The following PALD1 variants were observed in gnomAD, a reference collection of about 807,000 sequenced individuals.
PALD1 encodes the protein paladin.
Under a neutral mutation model 96.0 loss-of-function variants are expected in PALD1, and 57 were observed. That is an observed-to-expected ratio of 0.59 (90% confidence interval 0.48 to 0.74). The LOEUF (loss-of-function observed/expected upper bound fraction) is 0.74, where lower values mean the gene tolerates loss of function less well. PALD1 is among the 30% of genes least tolerant of loss of function. PALD1 has a pLI of 0.00. For synonymous variants in PALD1, 464 were observed against 473.6 expected, an observed-to-expected ratio of 0.98 and a Z score of 0.26; for missense variants, 1,063 against 1,143.7, an observed-to-expected ratio of 0.93 and a Z score of 1.02.
At chr10:70,500,812 C>A (rs1846279077) in intron 1 of PALD1, among the ~76,000 whole-genome samples, 1 of 152,158 alleles carries the variant, frequency 6.6e-6, no homozygotes, top group South Asian at 2.1e-4. Context: ...GGAGCCGGTG[C>A]AATATGGCCC....
In PALD1 at chr10:70,479,611, C is replaced by T. The variant is rs186963388; in HGVS notation, c.-30+552C>T. On this transcript the variant is annotated intron_variant, in intron 1 of 19. Transcript: ENST00000263563. Reference sequence around the variant, plus strand: ...GAGGGTTTTCCTGAAGGGGCAGTAACCTGTCAGAGAGAGAGTGGCCTATGG... The same window carrying T: ...GAGGGTTTTCCTGAAGGGGCAGTAATCTGTCAGAGAGAGAGTGGCCTATGG... 2.2e-4 allele frequency among the ~76,000 whole-genome samples: 33 copies of T among 152,320 alleles called. No homozygotes were observed. The East Asian group carries it at 5.8e-3, about 27-fold the overall frequency.
At chr10:70,530,772 TTGA>T (rs1272014145) in intron 4 of PALD1, among the ~76,000 whole-genome samples, 1 of 152,118 alleles carries the variant, frequency 6.6e-6, no homozygotes, top group Non-Finnish European at 1.5e-5. Flanking sequence ...TCTTCCCATC[TTGA>T]TGATAAGTTC....
rs976825773 is a variant in PALD1 at position 70,540,542 on chromosome 10, G to A, written c.1909-560G>A. On this transcript the variant is annotated intron_variant, in intron 15 of 19. Transcript: ENST00000263563. The surrounding 1 kb of genome is among the most constrained non-coding windows in gnomAD (Gnocchi z 4.2). Reference sequence around the variant, plus strand: ...GTGTTGTAGGTGAGCCACCGTGTGCGTGGTGCGTGTGTTGTAGGTGGGTCG... The same window carrying A: ...GTGTTGTAGGTGAGCCACCGTGTGCATGGTGCGTGTGTTGTAGGTGGGTCG... Among the ~76,000 whole-genome samples the A allele has an allele frequency of 4.6e-4, 70 of 152,160 alleles. No homozygotes were observed. The highest frequency in any genetic ancestry group is 6.8e-4 in the Non-Finnish European group (46 of 67,972).
chr10:70,547,216 T>C (rs1847384105), intron 17 of PALD1, 90 bp from the exon 18 acceptor site: 2 of 1,175,206 alleles, frequency 1.7e-6, no homozygotes, highest in African/African-American at 1.5e-5. Context: ...TTAGGCCTGG[T>C]GTGGCCTTTT....
upstream of PALD1, among the ~76,000 whole-genome samples, chr10:70,473,951 CCTGA>C (rs1277115730): frequency 9.9e-5 from 15 of 152,172 alleles, no homozygotes; most frequent in African/African-American, 3.4e-4. Flanking sequence ...CAGTACCCGG[CCTGA>C]CTGACTAAAT....
chr10:70,510,706 C>T (rs1464226885), intron 1 of PALD1, among the ~76,000 whole-genome samples: 2 of 152,156 alleles, frequency 1.3e-5, no homozygotes, highest in Non-Finnish European at 1.5e-5. Flanking sequence ...AGAAGGCTCC[C>T]TAGAGGGAAA....
Position 70,529,207 on chromosome 10 carries a change from TGCCCCC to T in PALD1, c.186-21_186-16del. The T allele has an allele frequency of 2.6e-6, 1 of 391,772 alleles. No individual in the cohort carries two copies. The allele number at this position is 391,772 out of a possible 1,614,324, so 24.3% of individuals were successfully genotyped here. On this transcript the variant is annotated splice_polypyrimidine_tract_variant and intron_variant, in intron 2 of 19. Coordinates refer to ENST00000263563, the MANE Select transcript of PALD1 (RefSeq NM_014431.3). ...AGGTTGCTTGACTCAGTTTCCATTCTGCCCCCCCCCCCCCCCCCCAGGTACAACTGC... is the reference window on the plus strand; with the variant it reads ...AGGTTGCTTGACTCAGTTTCCATTCTCCCCCCCCCCCCCAGGTACAACTGC...
intron 2 of PALD1, 71 bp downstream of exon 2, chr10:70,526,207 A>G: frequency 8.0e-7 from 1 of 1,251,738 alleles, no homozygotes; most frequent in Non-Finnish European, 1.2e-6. Context: ...TTGGGGGTGC[A>G]GTGGCATACA....
intron 1 of PALD1, among the ~76,000 whole-genome samples, chr10:70,521,960 ATACT>A (rs1242865312): frequency 6.6e-6 from 1 of 152,190 alleles, no homozygotes; most frequent in Non-Finnish European, 1.5e-5. Flanking sequence ...AACTGTCAAA[ATACT>A]TAAACACATT....
upstream of PALD1, among the ~76,000 whole-genome samples, chr10:70,475,985 A>G (rs997743092): frequency 6.6e-6 from 1 of 152,226 alleles, no homozygotes; most frequent in Non-Finnish European, 1.5e-5. Context: ...ACTTGCACAA[A>G]CATGGATCCC....
chr10:70,511,617 A>G (rs1453584370), intron 1 of PALD1, among the ~76,000 whole-genome samples: 1 of 152,234 alleles, frequency 6.6e-6, no homozygotes, highest in Non-Finnish European at 1.5e-5. Context: ...AGAGCACAGC[A>G]CTGACATCTG....
intron 1 of PALD1, among the ~76,000 whole-genome samples, chr10:70,502,587 C>T (rs931466955): frequency 2.0e-5 from 3 of 152,016 alleles, no homozygotes; most frequent in African/African-American, 7.3e-5. Flanking sequence ...GTATCATGGA[C>T]GTCATTGTGT....
chr10:70,527,217 T>G (rs190697165), intron 2 of PALD1, among the ~76,000 whole-genome samples: 6 of 152,318 alleles, frequency 3.9e-5, no homozygotes, highest in African/African-American at 1.4e-4. Context: ...GGCCTCAGTT[T>G]CCTTATCAAC....
the PALD1 span, among the ~76,000 whole-genome samples, chr10:70,463,532 T>C: frequency 6.6e-6 from 1 of 152,104 alleles, no homozygotes; most frequent in African/African-American, 2.4e-5. Flanking sequence ...TAATATCTAA[T>C]TAATAATATT....
intron 18 of PALD1, among the ~76,000 whole-genome samples, chr10:70,558,707 A>G (rs1485384895): frequency 6.6e-6 from 1 of 151,346 alleles, no homozygotes; most frequent in African/African-American, 2.4e-5. Flanking sequence ...ATTTGCTAAA[A>G]TTCTTCTTAC....
intron 1 of PALD1, among the ~76,000 whole-genome samples, chr10:70,491,445 CT>C (rs1392160539): frequency 2.0e-5 from 3 of 151,974 alleles, no homozygotes; most frequent in Non-Finnish European, 4.4e-5. Context: ...GAATCACAAC[CT>C]TTCTTTGTGC....
chr10:70,552,369 G>A (rs1406602191), intron 18 of PALD1, among the ~76,000 whole-genome samples: 1 of 152,130 alleles, frequency 6.6e-6, no homozygotes, highest in Non-Finnish European at 1.5e-5. Context: ...TGTGGACCTC[G>A]TAGCGCATGT....
chr10:70,479,107 G>A (rs1432112108), intron 1 of PALD1, 48 bp downstream of exon 1: 7 of 152,504 alleles, frequency 4.6e-5, no homozygotes, highest in African/African-American at 1.2e-4. Context: ...GGCAAATCTG[G>A]AATCCCCCGG....
chr10:70,534,412 C>G lies in PALD1; in HGVS notation c.1023-13C>G. On this transcript the variant is annotated splice_polypyrimidine_tract_variant and intron_variant, in intron 8 of 19. Coordinates refer to ENST00000263563, the MANE Select transcript of PALD1 (RefSeq NM_014431.3). ...TGGAAGAGCCTGCTAATGTACTGAC[C>G]CTGCCTCGACAGGGCTGCCCCCACG... 1.3e-6 allele frequency: 2 copies of G among 1,586,810 alleles called. No individual in the cohort carries two copies. Among genetic ancestry groups the G allele is most frequent in the African/African-American group, 2.7e-5 (2 of 74,556 alleles).
Sources: allele counts gnomAD v4.1 joint callset (sites outside exome capture counted in the v4.1 genomes callset), GRCh38; gene constraint gnomAD v4.1.1; non-coding constraint Gnocchi (gnomAD v3.1); transcripts MANE v1.5; gene names NCBI Gene and HGNC (gene_info 2026-07-23, HGNC 2026-07-21).